The following GABBR2 variants were observed in gnomAD, a reference collection of about 807,000 sequenced individuals.
The protein encoded by GABBR2 is G-protein coupled receptor 51.
In GABBR2, 23 loss-of-function variants were observed where a neutral mutation model predicts 105.6. The ratio of observed to expected loss-of-function variants is 0.22; its 90% CI spans 0.16 to 0.31. The LOEUF is 0.31. Ranked by LOEUF, GABBR2 falls within the 10% of genes least tolerant of loss-of-function variation. The pLI is 1.00. For missense variants in GABBR2, 734 were observed against 1,245.5 expected, an observed-to-expected ratio of 0.59 and a Z score of 6.18; for synonymous variants, 478 against 499.7, an observed-to-expected ratio of 0.96 and a Z score of 0.58.
intron 11 of GABBR2, among the ~76,000 whole-genome samples, chr9:98,381,866 A>G (rs1831983171): frequency 6.6e-6 from 1 of 152,150 alleles, no homozygotes; most frequent in Non-Finnish European, 1.5e-5. Context: ...CGTGACTCCC[A>G]GAATAGAACA....
intron 8 of GABBR2, among the ~76,000 whole-genome samples, chr9:98,400,196 TA>T (rs1300092978): frequency 3.2e-4 from 42 of 132,322 alleles, no homozygotes; most frequent in Admixed American, 9.0e-4. Flanking sequence ...TTTTTTTTTT[TA>T]AAAAAAAAAG....
chr9:98,546,634 T>C (rs1169520977), intron 2 of GABBR2, among the ~76,000 whole-genome samples: 2 of 152,272 alleles, frequency 1.3e-5, no homozygotes, highest in East Asian at 3.8e-4. Context: ...CCTGTCACTT[T>C]TTTATCCTCC....
chr9:98,619,735 C>T (rs901826111), intron 1 of GABBR2, among the ~76,000 whole-genome samples: 2 of 152,018 alleles, frequency 1.3e-5, no homozygotes, highest in Non-Finnish European at 2.9e-5. Context: ...GATTGAGGGC[C>T]CTGATTAATA....
At chr9:98,310,901 G>A (rs1011293979) in intron 14 of GABBR2, among the ~76,000 whole-genome samples, 194 bp downstream of exon 14, 2 of 152,198 alleles carry the variant, frequency 1.3e-5, no homozygotes, top group Non-Finnish European at 2.9e-5. Flanking sequence ...TCAGTGAAAT[G>A]AGGATGTTAT....
intron 7 of GABBR2, among the ~76,000 whole-genome samples, chr9:98,428,005 C>G (rs1184906242): frequency 1.3e-5 from 2 of 152,196 alleles, no homozygotes; most frequent in Non-Finnish European, 1.5e-5. Flanking sequence ...TAAGTCACTC[C>G]TGAATTCCTA....
chr9:98,382,400 GCCT>G (rs1385525140), intron 11 of GABBR2, among the ~76,000 whole-genome samples: 3 of 151,990 alleles, frequency 2.0e-5, no homozygotes, highest in African/African-American at 7.2e-5. Flanking sequence ...TGCAAGCTCC[GCCT>G]CCCAGGTTCA....
At chr9:98,529,828 C>T (rs1455526830) in intron 3 of GABBR2, among the ~76,000 whole-genome samples, 2 of 152,174 alleles carry the variant, frequency 1.3e-5, no homozygotes, top group Non-Finnish European at 2.9e-5. Flanking sequence ...CCATGGCTCC[C>T]AACTGCTGAC....
At chr9:98,638,828 G>T (rs6478791) in intron 1 of GABBR2, among the ~76,000 whole-genome samples, 11,624 of 152,234 alleles carry the variant, frequency 0.076, 492 homozygotes, top group African/African-American at 0.095. Context: ...CCAGAGGAAG[G>T]TCTTCCGAAC....
chr9:98,659,197 G>A (rs1830220865), intron 1 of GABBR2, among the ~76,000 whole-genome samples: 1 of 152,150 alleles, frequency 6.6e-6, no homozygotes, highest in Non-Finnish European at 1.5e-5. Context: ...AATCATGCAA[G>A]ACCTTTTGCA....
intron 1 of GABBR2, among the ~76,000 whole-genome samples, chr9:98,644,883 A>C (rs144690711): frequency 6.6e-6 from 1 of 152,346 alleles, no homozygotes; most frequent in Non-Finnish European, 1.5e-5. Context: ...TAACATTCTG[A>C]TATAAGGTTG....
chr9:98,602,330 G>A (rs959527244), intron 1 of GABBR2, among the ~76,000 whole-genome samples: 2 of 151,892 alleles, frequency 1.3e-5, no homozygotes, highest in African/African-American at 4.8e-5. Context: ...AAATCAGCTG[G>A]GCGTGGTGGC....
intron 13 of GABBR2, among the ~76,000 whole-genome samples, chr9:98,359,525 G>A (rs572570311): frequency 4.9e-4 from 74 of 152,154 alleles, no homozygotes; most frequent in Non-Finnish European, 1.0e-3. Flanking sequence ...AGGCCTCTAG[G>A]GGACTTGCAT....
chr9:98,424,233 CAT>C (rs1832834272), intron 7 of GABBR2, among the ~76,000 whole-genome samples: 1 of 152,288 alleles, frequency 6.6e-6, no homozygotes, highest in East Asian at 1.9e-4. Flanking sequence ...CAAAAAACCA[CAT>C]GATTATCTCA....
chr9:98,477,576 T>C (rs1014135767), intron 5 of GABBR2, among the ~76,000 whole-genome samples: 4 of 152,154 alleles, frequency 2.6e-5, no homozygotes, highest in African/African-American at 9.7e-5. Flanking sequence ...TTAGGACCTA[T>C]GACTGACAAA....
At chr9:98,417,167 G>A (rs1832703799) in intron 7 of GABBR2, among the ~76,000 whole-genome samples, 1 of 152,210 alleles carries the variant, frequency 6.6e-6, no homozygotes, top group Non-Finnish European at 1.5e-5. Context: ...GTTGCACTGA[G>A]TTGAGTTGAG....
At chr9:98,586,311 GTTT>G (rs899759318) in intron 1 of GABBR2, among the ~76,000 whole-genome samples, 1 of 90,142 alleles carries the variant, frequency 1.1e-5, no homozygotes, top group Non-Finnish European at 2.4e-5. Context: ...TTGTTTGTTT[GTTT>G]TTTTAGACAG....
chr9:98,331,129 T>A (rs12336699), intron 13 of GABBR2, among the ~76,000 whole-genome samples: 1 of 152,224 alleles, frequency 6.6e-6, no homozygotes, highest in Non-Finnish European at 1.5e-5. Context: ...ATAGACCACA[T>A]TTTGTTTATT....
At chr9:98,692,512 G>C (rs190342355) in intron 1 of GABBR2, among the ~76,000 whole-genome samples, 2 of 152,312 alleles carry the variant, frequency 1.3e-5, no homozygotes, top group Admixed American at 1.3e-4. Context: ...CCGGGGCTTG[G>C]CCTAAGGGCC....
At chr9:98,360,788 G>A (rs962992391) in intron 13 of GABBR2, among the ~76,000 whole-genome samples, 7 of 152,200 alleles carry the variant, frequency 4.6e-5, no homozygotes, top group African/African-American at 2.4e-5. Flanking sequence ...CCCACTTCCA[G>A]AGTCTGTTGA....
Sources: allele counts gnomAD v4.1 joint callset (sites outside exome capture counted in the v4.1 genomes callset), GRCh38; gene constraint gnomAD v4.1.1; transcripts MANE v1.5; gene names NCBI Gene and HGNC (gene_info 2026-07-23, HGNC 2026-07-21).